DMD: variants seen among roughly 807,000 people sequenced by gnomAD.
DMD encodes dystrophin, also known as mutant dystrophin.
DMD carries 63 observed loss-of-function variants against 330.1 expected under a neutral mutation model. The ratio of observed to expected loss-of-function variants is 0.19; its 90% CI spans 0.16 to 0.24. The LOEUF (loss-of-function observed/expected upper bound fraction) is 0.24. DMD is among the 10% of genes least tolerant of loss of function. The probability of loss-of-function intolerance (pLI) is 1.00; values close to 1 mark genes in which losing one functional copy is unlikely to be tolerated. For synonymous variants in DMD, 1,223 were observed against 959.8 expected (o/e 1.27, Z -5.07); for missense variants, 3,344 against 2,684.1 (o/e 1.25, Z -5.43).
intron 44 of DMD, among the ~76,000 whole-genome samples, chrX:32,165,571 G>A (rs769425471): frequency 8.9e-6 from 1 of 112,424 alleles, no homozygotes; most frequent in South Asian, 3.7e-4. Context: ...GACTTGCCTT[G>A]TCTCAGATGA....
chrX:31,609,688 G>A (rs781571559), intron 55 of DMD, among the ~76,000 whole-genome samples: 1 of 111,834 alleles, frequency 8.9e-6, no homozygotes, highest in South Asian at 3.7e-4. Flanking sequence ...TCAAATTGGC[G>A]TCTCTATTAG....
chrX:31,736,090 G>C (rs1196939384), intron 51 of DMD, among the ~76,000 whole-genome samples: 2 of 111,788 alleles, frequency 1.8e-5, no homozygotes, highest in African/African-American at 3.3e-5. Context: ...CCTAAGGTTA[G>C]TGGAGAATAA....
At position 32,312,942 on chromosome X, in the gene DMD, C is replaced by CAAAAAAAAAAAAAAAAA. The variant is rs767993498; in HGVS notation, c.5923-2683_5923-2667dup. On this transcript the variant is annotated intron_variant, in intron 41 of 78. Transcript: ENST00000357033. ...ATTGAGGCAGTAATAGCCTACGAAC[C>CAAAAAAAAAAAAAAAAA]AAAAAAAAAAAAAAAAAAAAAAGCC... Among the ~76,000 whole-genome samples the CAAAAAAAAAAAAAAAAA allele has an allele frequency of 1.6e-3, 33 of 20,398 alleles. 5 individuals carry two copies. Among genetic ancestry groups the CAAAAAAAAAAAAAAAAA allele is most frequent in the Admixed American group, 4.2e-3 (4 of 962 alleles). 17.7% of individuals were successfully genotyped at this position (20,398 alleles called of 115,157 possible).
chrX:31,310,349 C>G (rs538705275), intron 62 of DMD, among the ~76,000 whole-genome samples: 2 of 109,063 alleles, frequency 1.8e-5, no homozygotes, highest in South Asian at 7.9e-4. Flanking sequence ...GCCTGCTCAG[C>G]CCCTCCTGCT....
intron 44 of DMD, among the ~76,000 whole-genome samples, chrX:32,108,123 A>G (rs2096573154): frequency 9.0e-6 from 1 of 111,409 alleles, no homozygotes; most frequent in Admixed American, 9.6e-5. Context: ...ATAGTAACTC[A>G]CGGGGTGGTC....
At chrX:32,302,247 CTT>C (rs1198497027) in intron 42 of DMD, among the ~76,000 whole-genome samples, 1 of 111,164 alleles carries the variant, frequency 9.0e-6, no homozygotes, top group Non-Finnish European at 1.9e-5. Flanking sequence ...TGTTCTATGA[CTT>C]TGCGCAACTG....
At chrX:32,236,885 T>A (rs1345144578) in intron 43 of DMD, among the ~76,000 whole-genome samples, 1 of 112,286 alleles carries the variant, frequency 8.9e-6, no homozygotes, top group Non-Finnish European at 1.9e-5. Flanking sequence ...TGTCTATTAT[T>A]TTTTAAACTT....
At chrX:31,968,315 T>A in intron 45 of DMD, 24 bp downstream of exon 45, 1 of 1,205,708 alleles carries the variant, frequency 8.3e-7, no homozygotes. Context: ...AATGTTTTCA[T>A]TCCTATTAGA....
At chrX:31,267,903 G>A (rs757300228) in intron 62 of DMD, among the ~76,000 whole-genome samples, 42 of 112,438 alleles carry the variant, frequency 3.7e-4, no homozygotes, top group Non-Finnish European at 6.9e-4. Flanking sequence ...AGCATCTTAC[G>A]ATAAACTGTT....
intron 41 of DMD, among the ~76,000 whole-genome samples, chrX:32,332,886 T>C (rs776327169): frequency 9.0e-6 from 1 of 110,728 alleles, no homozygotes; most frequent in South Asian, 3.8e-4. Flanking sequence ...TCCACTGCAT[T>C]TGAGGGGAAA....
intron 62 of DMD, among the ~76,000 whole-genome samples, chrX:31,307,256 A>T (rs962530468): frequency 2.7e-5 from 3 of 111,880 alleles, no homozygotes; most frequent in African/African-American, 9.7e-5. Context: ...CCATCCCTCC[A>T]TGTTAATTTT....
chrX:31,739,842 CAAA>C (rs34229635), intron 51 of DMD, among the ~76,000 whole-genome samples: 15 of 84,124 alleles, frequency 1.8e-4, no homozygotes, highest in Admixed American at 5.8e-4. Flanking sequence ...ATAGTAATCT[CAAA>C]AAAAAAAAAA....
At chrX:31,165,288 C>T (rs182096411) in intron 74 of DMD, among the ~76,000 whole-genome samples, 3 of 112,233 alleles carry the variant, frequency 2.7e-5, no homozygotes, top group Non-Finnish European at 5.6e-5. Context: ...ATTTTGGCTT[C>T]ATAAGGTCTT....
At chrX:32,889,962 A>G (rs1457901768) in intron 2 of DMD, among the ~76,000 whole-genome samples, 1 of 111,703 alleles carries the variant, frequency 9.0e-6, no homozygotes, top group Non-Finnish European at 1.9e-5. Flanking sequence ...AAATTGGCTG[A>G]GATGAAATAT....
chrX:32,953,550 G>A (rs1344872799), intron 2 of DMD, among the ~76,000 whole-genome samples: 2 of 111,510 alleles, frequency 1.8e-5, no homozygotes, highest in African/African-American at 6.5e-5. Flanking sequence ...TAAATAGTTC[G>A]GAAAATTAAA....
At chrX:32,082,785 G>T (rs892237694) in intron 44 of DMD, among the ~76,000 whole-genome samples, 2 of 111,674 alleles carry the variant, frequency 1.8e-5, no homozygotes, top group Admixed American at 1.9e-4. Flanking sequence ...TATGTAAATT[G>T]AAGACCTAAA....
chrX:31,309,706 C>T (rs189322073), intron 62 of DMD, among the ~76,000 whole-genome samples: 58 of 111,888 alleles, frequency 5.2e-4, no homozygotes, highest in African/African-American at 1.8e-3. Context: ...AATAATCACA[C>T]ATGCGTTTCC....
chrX:32,837,762 G>T (rs1465353139), intron 4 of DMD, among the ~76,000 whole-genome samples: 1 of 111,880 alleles, frequency 8.9e-6, no homozygotes, highest in African/African-American at 3.2e-5. Context: ...AAATGCTTTT[G>T]CCCTATGAAA....
intron 41 of DMD, among the ~76,000 whole-genome samples, chrX:32,328,088 G>C (rs1370490719): frequency 9.0e-6 from 1 of 111,228 alleles, no homozygotes; most frequent in African/African-American, 3.3e-5. Flanking sequence ...TAGTCATTAT[G>C]ATCACTGGGA....
Sources: gnomAD v4.1 joint callset for allele counts (sites outside exome capture counted in the v4.1 genomes callset) on GRCh38, gnomAD v4.1.1 for gene constraint, MANE v1.5 for transcripts, NCBI Gene and HGNC (gene_info 2026-07-23, HGNC 2026-07-21) for gene names.